The following MAP4K2 variants were observed in gnomAD, a reference collection of about 807,000 sequenced individuals.
The protein encoded by MAP4K2 is B lymphocyte serine/threonine protein kinase.
Under a neutral mutation model 125.3 loss-of-function variants are expected in MAP4K2, and 85 were observed. The ratio of observed to expected loss-of-function variants is 0.68; its 90% CI spans 0.57 to 0.81. The LOEUF is 0.81. Among genes scored for constraint, MAP4K2 ranks in the 40% least tolerant of loss-of-function variants. MAP4K2 has a pLI of 0.00. For missense variants in MAP4K2, 923 were observed against 1,056.4 expected, an observed-to-expected ratio of 0.87 and a Z score of 1.75; for synonymous variants, 479 against 445.1, an observed-to-expected ratio of 1.08 and a Z score of -0.96.
At chr11:64,796,772 T>C in intron 21 of MAP4K2, 37 bp downstream of exon 21, 1 of 1,613,222 alleles carries the variant, frequency 6.2e-7, no homozygotes, top group Non-Finnish European at 8.5e-7. Context: ...AGCTGAGGGA[T>C]TCCTTGGGCT....
In MAP4K2 at chr11:64,785,870, A is replaced by T. The variant is rs1232438810; in HGVS notation, c.*3667T>A. On this transcript the variant is annotated 3_prime_UTR_variant, in exon 32 of 32. Coordinates refer to ENST00000294066, the MANE Select transcript of MAP4K2 (RefSeq NM_004579.5). ...TTCCCAAAGTGCTGGGATTACAGAC[A>T]TGAACCACCATGCCCAAACTAAAAT... 6.6e-6 allele frequency: 1 copy of T among 152,166 alleles called. No individual in the cohort carries two copies. Among genetic ancestry groups the T allele is most frequent in the Non-Finnish European group, 1.5e-5 (1 of 68,026 alleles). 9.4% of individuals were successfully genotyped at this position (152,166 alleles called of 1,614,324 possible).
intron 24 of MAP4K2, among the ~76,000 whole-genome samples, chr11:64,795,518 A>G (rs1032210664): frequency 2.6e-5 from 4 of 151,790 alleles, no homozygotes; most frequent in Non-Finnish European, 5.9e-5. Flanking sequence ...CTCCTGTCTC[A>G]GCCTCCCGAG....
At chr11:64,791,790 T>C in intron 27 of MAP4K2, 119 bp downstream of exon 27, 3 of 1,109,324 alleles carry the variant, frequency 2.7e-6, no homozygotes, top group Non-Finnish European at 3.7e-6. Context: ...GCCCTCAAGG[T>C]CTCTGTGGAG....
intron 25 of MAP4K2, 23 bp downstream of exon 25, chr11:64,792,331 GCCCCGCCCCA>G: frequency 2.0e-6 from 3 of 1,535,388 alleles, no homozygotes; most frequent in South Asian, 2.3e-5. Flanking sequence ...CCCCCACCAG[GCCCCGCCCCA>G]CCCCGCCCAG....
chr11:64,799,408 C>A lies in MAP4K2; in HGVS notation c.1053+13G>T, dbSNP rs781731307. The stretch of plus-strand genomic sequence containing the variant: ...TCTGGGCACCACCTTCCCCTCAAGG[C>A]CTGCCCACTCACCGGCTCATTCAGT... On this transcript the variant is annotated intron_variant, in intron 14 of 31. Transcript: ENST00000294066. 1.2e-6 allele frequency: 2 copies of A among 1,612,332 alleles called. No individual in the cohort carries two copies. The highest frequency in any genetic ancestry group is 2.7e-5 in the African/African-American group (2 of 74,780).
Position 64,797,494 on chromosome 11 carries a change from G to T in MAP4K2, c.1170+7C>A. 1 of 1,563,056 alleles carries T rather than the reference G, an allele frequency of 6.4e-7. No homozygotes were observed. Among genetic ancestry groups the T allele is most frequent in the South Asian group, 1.2e-5 (1 of 84,928 alleles). ...GATCCCAGCTCCAGCCTCCCTCTGTGTGGCACCTGGAATTCTGAGGCTGAC... is the reference window on the plus strand; with the variant it reads ...GATCCCAGCTCCAGCCTCCCTCTGTTTGGCACCTGGAATTCTGAGGCTGAC... On this transcript the variant is annotated splice_region_variant and intron_variant, in intron 17 of 31. Transcript: ENST00000294066.
intron 25 of MAP4K2, 30 bp downstream of exon 25, chr11:64,792,334 C>CCCCGG: frequency 6.6e-7 from 1 of 1,514,508 alleles, no homozygotes; most frequent in Non-Finnish European, 9.0e-7. Context: ...CCACCAGGCC[C>CCCCGG]CGCCCCACCC....
Position 64,796,729 on chromosome 11 carries a change from T to C in MAP4K2, c.1493-16A>G, listed in dbSNP as rs1940828704. 2.5e-6 allele frequency: 4 copies of C among 1,613,952 alleles called. No individual in the cohort carries two copies. Among genetic ancestry groups the C allele is most frequent in the Non-Finnish European group, 1.7e-6 (2 of 1,179,992 alleles). Reference sequence around the variant, plus strand: ...AGGAACTGGTCTGCCAGTTTGGGCATGGGGTCAGAGGTCAGACATGGCCCC... The same window carrying C: ...AGGAACTGGTCTGCCAGTTTGGGCACGGGGTCAGAGGTCAGACATGGCCCC... On this transcript the variant is annotated splice_polypyrimidine_tract_variant and intron_variant, in intron 21 of 31. Transcript: ENST00000294066.
Position 64,802,853 on chromosome 11 carries a change from C to T in MAP4K2, c.154+32G>A. 1.9e-6 allele frequency: 3 copies of T among 1,590,314 alleles called. No individual in the cohort carries two copies. In the Admixed American group the frequency reaches 5.1e-5, roughly 27 times the overall value. On this transcript the variant is annotated intron_variant, in intron 2 of 31. Coordinates refer to ENST00000294066, the MANE Select transcript of MAP4K2 (RefSeq NM_004579.5). Reference sequence around the variant, plus strand: ...CGCGCCCGCGGGCGCTCTGCCCTTCCTCTGGCGCAGAGGCCCGACCCGGGC... The same window carrying T: ...CGCGCCCGCGGGCGCTCTGCCCTTCTTCTGGCGCAGAGGCCCGACCCGGGC...
chr11:64,802,391 C>A (rs1340571954), intron 4 of MAP4K2, 28 bp downstream of exon 4: 3 of 1,486,846 alleles, frequency 2.0e-6, no homozygotes, highest in Admixed American at 5.0e-5. Flanking sequence ...AGGCTGGGGC[C>A]TGCTGGGGCC....
chr11:64,796,537 CA>C lies in MAP4K2; in HGVS notation c.1588del (p.Cys530AlafsTer7), dbSNP rs1290778930. On this transcript the variant is annotated frameshift_variant, in exon 23 of 32. Coordinates refer to ENST00000294066, the MANE Select transcript of MAP4K2 (RefSeq NM_004579.5). LOFTEE classifies it high-confidence loss of function. ...DTLEKLISHRCSWLYCVNNVL... is the reference protein window; with the variant it reads ...DTLEKLISHRXSWLYCVNNVL... The stretch of plus-strand genomic sequence containing the variant: ...GTTGTTCACGCAGTAGAGCCAGGAG[CA>C]GCGATGTGAAATCAGCTGGAGGCCA... 6.2e-7 allele frequency: 1 copy of C among 1,613,842 alleles called. No individual in the cohort carries two copies. The highest frequency in any genetic ancestry group is 8.5e-7 in the Non-Finnish European group (1 of 1,180,058).
chr11:64,792,490 A>G (rs533716609), intron 24 of MAP4K2, 68 bp from the exon 25 acceptor site: 12 of 1,335,770 alleles, frequency 9.0e-6, no homozygotes, highest in Middle Eastern at 1.8e-4. Context: ...GCAGAGCCCT[A>G]TGAGGTGGGC....
At position 64,800,304 on chromosome 11, in the gene MAP4K2, C is replaced by G. The variant is rs762260363; in HGVS notation, c.807+7G>C. ...CTGGGCCTCTCTCCCGGCCCCCTGC[C>G]TCCCACCTGCAGGAGCTTCTCTGCT... On this transcript the variant is annotated splice_region_variant and intron_variant, in intron 11 of 31. Coordinates refer to ENST00000294066, the MANE Select transcript of MAP4K2 (RefSeq NM_004579.5). 38 of 1,613,876 alleles carry G rather than the reference C, an allele frequency of 2.4e-5. No individual in the cohort carries two copies. Among genetic ancestry groups the G allele is most frequent in the Non-Finnish European group, 3.1e-5 (36 of 1,180,020 alleles).
intron 27 of MAP4K2, among the ~76,000 whole-genome samples, chr11:64,791,280 T>C (rs1456402641): frequency 2.0e-5 from 3 of 152,250 alleles, no homozygotes; most frequent in Non-Finnish European, 2.9e-5. Context: ...CCACAACACC[T>C]GGAGTCCTGC....
chr11:64,790,030 C>A, intron 29 of MAP4K2, 71 bp from the exon 30 acceptor site: 1 of 1,584,644 alleles, frequency 6.3e-7, no homozygotes, highest in South Asian at 1.1e-5. Flanking sequence ...GAGCCTGGGT[C>A]TGGGCCACAG....
chr11:64,801,999 G>T, intron 5 of MAP4K2, 67 bp downstream of exon 5: 1 of 1,510,386 alleles, frequency 6.6e-7, no homozygotes, highest in Non-Finnish European at 9.0e-7. Context: ...CTCCCTGCTG[G>T]TCATCTGGGC....
intron 8 of MAP4K2, 28 bp from the exon 9 acceptor site, chr11:64,801,059 C>A: frequency 6.2e-7 from 1 of 1,613,754 alleles, no homozygotes; most frequent in South Asian, 1.1e-5. Context: ...GATGGGATGG[C>A]CGGGTGCCCT....
chr11:64,802,862 A>C (rs752283828), intron 2 of MAP4K2, 23 bp downstream of exon 2: 3 of 1,595,042 alleles, frequency 1.9e-6, no homozygotes, highest in Non-Finnish European at 2.6e-6. Context: ...CCTCTGGCGC[A>C]GAGGCCCGAC....
intron 28 of MAP4K2, 41 bp from the exon 29 acceptor site, chr11:64,790,315 C>T (rs1249365955): frequency 6.2e-7 from 1 of 1,613,016 alleles, no homozygotes; most frequent in South Asian, 1.1e-5. Context: ...CGGGGAGGCT[C>T]CCTTCTGGGA....
Sources: gnomAD v4.1 joint callset for allele counts (sites outside exome capture counted in the v4.1 genomes callset) on GRCh38, gnomAD v4.1.1 for gene constraint, MANE v1.5 for transcripts, NCBI Gene and HGNC (gene_info 2026-07-23, HGNC 2026-07-21) for gene names.